MUC22: variants seen among roughly 807,000 people sequenced by gnomAD.
The protein encoded by MUC22 is mucin 22.
Under a neutral mutation model 40.3 loss-of-function variants are expected in MUC22, and 24 were observed. The ratio of observed to expected loss-of-function variants is 0.60; its 90% confidence interval spans 0.43 to 0.84. The LOEUF (loss-of-function observed/expected upper bound fraction) is 0.84. Ranked by LOEUF, MUC22 falls within the 40% of genes least tolerant of loss-of-function variation. The pLI is 0.00. For missense variants in MUC22, 1,926 were observed against 2,130.7 expected (o/e 0.90, Z 1.89); for synonymous variants, 765 against 844.5 (o/e 0.91, Z 1.63).
chr6:31,035,046 T>A (rs1235921580), exon 4 of MUC22: 2 of 1,148,436 alleles, frequency 1.7e-6, no homozygotes, highest in African/African-American at 3.1e-5. Context: ...TGGGAGGGGG[T>A]CATGGAGGAG....
At chr6:31,021,641 T>G (rs1418352591) in intron 1 of MUC22, among the ~76,000 whole-genome samples, 2 of 151,936 alleles carry the variant, frequency 1.3e-5, no homozygotes, top group Admixed American at 1.3e-4. Context: ...GGAGGGGCCT[T>G]GGAGGACCTC....
chr6:31,022,389 C>G (rs769856241), intron 1 of MUC22, among the ~76,000 whole-genome samples: 7 of 152,028 alleles, frequency 4.6e-5, no homozygotes, highest in Non-Finnish European at 7.4e-5. Context: ...GTATCGAACT[C>G]CTGGTGATCT....
At chr6:31,020,708 A>G (rs1426604517) in intron 1 of MUC22, among the ~76,000 whole-genome samples, 1 of 152,106 alleles carries the variant, frequency 6.6e-6, no homozygotes, top group Non-Finnish European at 1.5e-5. Context: ...CTCAGCTTGC[A>G]GGGAGGTGTG....
At chr6:31,006,287 C>T (rs1006692855), upstream of MUC22, among the ~76,000 whole-genome samples, 2 of 152,246 alleles carry the variant, frequency 1.3e-5, no homozygotes, top group South Asian at 4.1e-4. Flanking sequence ...ATAAACATAT[C>T]TTTTGATGCA....
rs1030416251 is a variant in MUC22, at chr6:31,034,968, C to T, written c.*30C>T. ...ACCATGGAGTGGATCACAGAGGGAGCCACCAAGGAGGCCACGGCAGGACAA... is the reference window on the plus strand; with the variant it reads ...ACCATGGAGTGGATCACAGAGGGAGTCACCAAGGAGGCCACGGCAGGACAA... On this transcript the variant is annotated 3_prime_UTR_variant, in exon 4 of 4. Coordinates refer to ENST00000561890, the Ensembl canonical transcript of MUC22. The T allele has an allele frequency of 2.0e-6, 3 of 1,522,462 alleles. No individual in the cohort carries two copies. The East Asian group carries it at 7.4e-5, about 37-fold the overall frequency. The allele number at this position is 1,522,462 out of a possible 1,614,324, so 94.3% of individuals were successfully genotyped here.
rs1765393538 is a variant in MUC22, at chr6:31,026,698, G to A, written c.1267G>A (p.Gly423Ser). The A allele has an allele frequency of 2.0e-6, 3 of 1,505,782 alleles. 1 individual carries two copies. Among genetic ancestry groups the A allele is most frequent in the South Asian group, 2.4e-5 (2 of 82,092 alleles). 93.3% of individuals were successfully genotyped at this position (1,505,782 alleles called of 1,614,324 possible). ...TGAGACCACTGCAGCCTCTACCACA[G>A]GCTCTGAGATGACCACAGTCTTCAC... Residue 423 changes from glycine (G) to serine (S), a missense_variant, in exon 2 of 4, where the codon GGC becomes AGC. Physicochemically the swap from Gly to Ser is moderately conservative, Grantham distance 56. Transcript: ENST00000561890.
At chr6:31,012,165 G>T (rs968321637) in intron 1 of MUC22, among the ~76,000 whole-genome samples, 4 of 152,138 alleles carry the variant, frequency 2.6e-5, no homozygotes, top group African/African-American at 9.7e-5. Flanking sequence ...TTTACTGTAG[G>T]ATGGCTCGTC....
exon 2 of MUC22, chr6:31,027,733 G>T (rs1437113607): frequency 6.5e-7 from 1 of 1,530,616 alleles, no homozygotes; most frequent in Middle Eastern, 1.7e-4. Context: ...GACCACTGCA[G>T]TCTCTGCCAC....
At chr6:31,016,941 C>G (rs9348846) in intron 1 of MUC22, among the ~76,000 whole-genome samples, 18,343 of 152,258 alleles carry the variant, frequency 0.12, 1,324 homozygotes, top group East Asian at 0.33. Flanking sequence ...GAACTTAGCA[C>G]CCGGGCCAGC....
intron 1 of MUC22, among the ~76,000 whole-genome samples, chr6:31,018,508 A>G (rs1325037571): frequency 6.9e-6 from 1 of 144,740 alleles, no homozygotes; most frequent in Admixed American, 6.9e-5. Context: ...TCATCTGCCT[A>G]TTACCTTCAA....
chr6:31,010,566 G>A, exon 1 of MUC22: 1 of 621,532 alleles, frequency 1.6e-6, no homozygotes, highest in South Asian at 1.9e-5. Context: ...CCTGGCACTG[G>A]CTGGCCTTTG....
intron 1 of MUC22, among the ~76,000 whole-genome samples, chr6:31,018,013 C>T (rs887289201): frequency 6.6e-6 from 1 of 152,174 alleles, no homozygotes. Flanking sequence ...CCAGAAGAAA[C>T]GCCGAACACA....
exon 4 of MUC22, chr6:31,034,678 C>T: frequency 1.3e-6 from 2 of 1,530,562 alleles, no homozygotes; most frequent in Non-Finnish European, 1.7e-6. Flanking sequence ...TTAGAGAAAC[C>T]TTTTCTTCCC....
chr6:31,026,750 C>G (rs1258531260), exon 2 of MUC22: 1 of 1,508,144 alleles, frequency 6.6e-7, no homozygotes, highest in East Asian at 2.5e-5. Flanking sequence ...ATCACACCCT[C>G]TACTGCAGGC....
chr6:31,015,906 T>C (rs3871466), intron 1 of MUC22, among the ~76,000 whole-genome samples: 18,336 of 152,218 alleles, frequency 0.12, 1,323 homozygotes, highest in East Asian at 0.33. Context: ...TTCTCTGTTC[T>C]GTCTTTCTGA....
chr6:31,021,972 T>C (rs1029257285), intron 1 of MUC22, among the ~76,000 whole-genome samples: 9 of 152,032 alleles, frequency 5.9e-5, no homozygotes, highest in African/African-American at 2.2e-4. Flanking sequence ...GCAGCTTCAC[T>C]CCTGAAGCCA....
intron 1 of MUC22, 108 bp from the exon 2 acceptor site, chr6:31,025,394 A>C (rs1765192596): frequency 7.8e-7 from 1 of 1,280,740 alleles, no homozygotes; most frequent in Non-Finnish European, 1.0e-6. Context: ...CAATAACTGA[A>C]TAAATAAATG....
chr6:31,022,813 ATGG>A (rs1173143538), intron 1 of MUC22, among the ~76,000 whole-genome samples: 1 of 152,148 alleles, frequency 6.6e-6, no homozygotes, highest in Non-Finnish European at 1.5e-5. Context: ...TAATAAGCTA[ATGG>A]TGGAAATAAA....
Position 31,011,019 on chromosome 6 carries a change from AT to A in MUC22, c.70+244del, listed in dbSNP as rs1360392515. Among the ~76,000 whole-genome samples, 5 of 151,464 alleles carry A rather than the reference AT, an allele frequency of 3.3e-5. No individual in the cohort carries two copies. The highest frequency in any genetic ancestry group is 9.7e-5 in the African/African-American group (4 of 41,282). On this transcript the variant is annotated intron_variant, in intron 1 of 3. Transcript: ENST00000561890. The surrounding 1 kb of genome is among the most constrained non-coding windows in gnomAD (Gnocchi z 4.5). ...CTCCCCCAGCTGTGGTTGTGAGCAC[AT>A]GTGGTGGGGCGGTGGGGCGGTGCTG...
Sources: allele counts gnomAD v4.1 joint callset (sites outside exome capture counted in the v4.1 genomes callset), GRCh38; gene constraint gnomAD v4.1.1; non-coding constraint Gnocchi (gnomAD v3.1); transcripts MANE v1.5; gene names NCBI Gene and HGNC (gene_info 2026-07-23, HGNC 2026-07-21).